The following DECR1 variants were observed in gnomAD, a reference collection of about 807,000 sequenced individuals.
DECR1 encodes 2,4-dienoyl-CoA reductase 1.
DECR1 carries 44 observed loss-of-function variants against 38.8 expected under a neutral mutation model. The observed-to-expected ratio is 1.13, with a 90% CI of 0.89 to 1.46. The LOEUF is 1.46. DECR1 is among the 40% of genes most tolerant of loss of function. The probability of loss-of-function intolerance (pLI) is 0.00; values close to 1 mark genes in which losing one functional copy is unlikely to be tolerated. For missense variants in DECR1, 428 were observed against 405.5 expected, an observed-to-expected ratio of 1.06 and a Z score of -0.48; for synonymous variants, 148 against 135.2, an observed-to-expected ratio of 1.09 and a Z score of -0.66.
intron 5 of DECR1, among the ~76,000 whole-genome samples, chr8:90,034,960 T>G (rs1813583773): frequency 6.6e-6 from 1 of 152,204 alleles, no homozygotes; most frequent in Non-Finnish European, 1.5e-5. Context: ...TCATATCACC[T>G]TGATTTTTGA....
chr8:90,009,243 C>T (rs1251380129), intron 1 of DECR1, among the ~76,000 whole-genome samples: 1 of 152,176 alleles, frequency 6.6e-6, no homozygotes, highest in African/African-American at 2.4e-5. Context: ...ATGCCCCCTG[C>T]TTAGGGCCTT....
intron 5 of DECR1, among the ~76,000 whole-genome samples, chr8:90,027,803 T>A (rs1401707033): frequency 2.0e-5 from 3 of 152,090 alleles, no homozygotes; most frequent in African/African-American, 7.2e-5. Flanking sequence ...AGTATTGAAT[T>A]TGTTAATATA....
rs1195184842 is a variant in DECR1 at position 90,052,950 on chromosome 8, C to G, written c.*1053C>G. Among the ~76,000 whole-genome samples, 1 of 152,108 alleles carries G rather than the reference C, an allele frequency of 6.6e-6. No homozygotes were observed. The highest frequency in any genetic ancestry group is 3.2e-3 in the Middle Eastern group (1 of 316). On this transcript the variant is annotated 3_prime_UTR_variant, in exon 10 of 10. Coordinates refer to ENST00000220764, the MANE Select transcript of DECR1 (RefSeq NM_001359.2). The stretch of plus-strand genomic sequence containing the variant: ...AAATCTGCCACAAGCCCATGGAAAC[C>G]CCAATTAACATTGACAGTTAATTGT...
intron 6 of DECR1, 129 bp from the exon 7 acceptor site, chr8:90,042,599 A>G: frequency 2.7e-6 from 2 of 750,512 alleles, no homozygotes; most frequent in Non-Finnish European, 4.6e-6. Flanking sequence ...TATAGGGAAC[A>G]ATAATAGTAC....
intron 1 of DECR1, among the ~76,000 whole-genome samples, chr8:90,012,643 A>ATTAAG (rs1367112877): frequency 6.6e-6 from 1 of 152,202 alleles, no homozygotes; most frequent in Non-Finnish European, 1.5e-5. Context: ...CAAGTGTTAC[A>ATTAAG]TTAAGTAAGA....
At position 90,020,983 on chromosome 8, in the gene DECR1, A is replaced by G; in HGVS notation, c.492A>G (p.Ile164Met). 6.3e-7 allele frequency: 1 copy of G among 1,598,356 alleles called. No individual in the cohort carries two copies. The highest frequency in any genetic ancestry group is 8.5e-7 in the Non-Finnish European group (1 of 1,174,070). ...ERLSPNAWKTITDIVLNGTAF... is the reference protein window; with the variant it reads ...ERLSPNAWKTMTDIVLNGTAF... The stretch of plus-strand genomic sequence containing the variant: ...TTTCTCCTAATGCTTGGAAAACCAT[A>G]ACTGACATAGTTCTAAATGGCACAG... The change falls in exon 5 of 10, where the codon ATA becomes ATG. Residue 164 changes from isoleucine (I) to methionine (M), a missense_variant. Coordinates refer to ENST00000220764, the MANE Select transcript of DECR1 (RefSeq NM_001359.2).
At chr8:90,010,755 A>G (rs1467160764) in intron 1 of DECR1, among the ~76,000 whole-genome samples, 1 of 152,236 alleles carries the variant, frequency 6.6e-6, no homozygotes, top group Admixed American at 6.5e-5. Flanking sequence ...AGATGTGGAA[A>G]TATTTCATTA....
At chr8:90,037,378 A>G (rs1219333273) in intron 6 of DECR1, among the ~76,000 whole-genome samples, 1 of 151,604 alleles carries the variant, frequency 6.6e-6, no homozygotes, top group African/African-American at 2.4e-5. Context: ...ACTGTATAAG[A>G]TTAATGGGAC....
intron 1 of DECR1, among the ~76,000 whole-genome samples, chr8:90,016,377 C>T (rs1813006274): frequency 6.6e-6 from 1 of 152,136 alleles, no homozygotes; most frequent in Non-Finnish European, 1.5e-5. Context: ...TGGCTCATGC[C>T]TGTAATCCCA....
At chr8:90,035,659 G>A (rs6998280) in intron 5 of DECR1, among the ~76,000 whole-genome samples, 10,378 of 151,874 alleles carry the variant, frequency 0.068, 1,070 homozygotes, top group African/African-American at 0.22. Flanking sequence ...GGGACTCTTT[G>A]TCTATTAATC....
chr8:90,031,701 T>G (rs1449198735), intron 5 of DECR1, among the ~76,000 whole-genome samples: 1 of 152,154 alleles, frequency 6.6e-6, no homozygotes, highest in African/African-American at 2.4e-5. Flanking sequence ...AAGTTTGTCT[T>G]CTTACCATGA....
At chr8:90,028,213 C>T (rs193131778) in intron 5 of DECR1, among the ~76,000 whole-genome samples, 1 of 152,214 alleles carries the variant, frequency 6.6e-6, no homozygotes, top group Non-Finnish European at 1.5e-5. Context: ...CTTGTGCCGC[C>T]ATCAGAGGCA....
chr8:90,038,653 T>C (rs1260883005), intron 6 of DECR1, among the ~76,000 whole-genome samples: 1 of 152,038 alleles, frequency 6.6e-6, no homozygotes, highest in Non-Finnish European at 1.5e-5. Flanking sequence ...AGATGGGATT[T>C]CCTCCATTAA....
intron 6 of DECR1, among the ~76,000 whole-genome samples, chr8:90,042,301 A>G (rs1047984738): frequency 6.6e-6 from 1 of 152,144 alleles, no homozygotes; most frequent in Non-Finnish European, 1.5e-5. Flanking sequence ...TACAAGACTG[A>G]ACTCCAGAAA....
At chr8:90,040,688 T>C (rs1291258918) in intron 6 of DECR1, among the ~76,000 whole-genome samples, 2 of 152,200 alleles carry the variant, frequency 1.3e-5, no homozygotes, top group Non-Finnish European at 2.9e-5. Context: ...GTGTTCTCAT[T>C]GTTCAGCTCC....
chr8:90,042,420 G>A (rs542462218), intron 6 of DECR1: 1 of 261,126 alleles, frequency 3.8e-6, no homozygotes, highest in East Asian at 7.4e-5. Flanking sequence ...ACTACAAATG[G>A]TAGGTGGTGT....
At chr8:90,019,516 T>C (rs529498676) in intron 4 of DECR1, among the ~76,000 whole-genome samples, 2 of 152,354 alleles carry the variant, frequency 1.3e-5, no homozygotes, top group South Asian at 4.1e-4. Context: ...ATTAGGTTTA[T>C]GCAGAAATTT....
chr8:90,045,977 T>A (rs1813889881), intron 8 of DECR1, among the ~76,000 whole-genome samples: 1 of 152,222 alleles, frequency 6.6e-6, no homozygotes, highest in Admixed American at 6.5e-5. Context: ...GGGTCCTGAC[T>A]GTTAGAAGGA....
At chr8:90,004,433 T>C (rs1223112985) in intron 1 of DECR1, among the ~76,000 whole-genome samples, 1 of 152,018 alleles carries the variant, frequency 6.6e-6, no homozygotes, top group Non-Finnish European at 1.5e-5. Context: ...TATTCAGCAA[T>C]ACAGTTAACA....
Sources: gnomAD v4.1 joint callset for allele counts (sites outside exome capture counted in the v4.1 genomes callset) on GRCh38, gnomAD v4.1.1 for gene constraint, MANE v1.5 for transcripts, NCBI Gene and HGNC (gene_info 2026-07-23, HGNC 2026-07-21) for gene names.